Variants in FAM90A1 observed in about 807,000 individuals in gnomAD.
FAM90A1 encodes the protein protein FAM90A1.
FAM90A1 carries 10 observed loss-of-function variants against 14.8 expected under a neutral mutation model. That is an observed-to-expected ratio of 0.67 (90% CI 0.42 to 1.14). FAM90A1 has a LOEUF of 1.14. FAM90A1 is among the 50% of genes most tolerant of loss of function. The pLI is 0.00. For synonymous variants in FAM90A1, 236 were observed against 248.4 expected (o/e 0.95, Z 0.47); for missense variants, 567 against 602.8 (o/e 0.94, Z 0.62).
rs773955004 is a variant in FAM90A1 at position 8,222,605 on chromosome 12, T to A, written c.612A>T (p.Thr204=). 15 of 1,611,858 alleles carry A rather than the reference T, an allele frequency of 9.3e-6. No individual in the cohort carries two copies. The highest frequency in any genetic ancestry group is 1.7e-6 in the Non-Finnish European group (2 of 1,179,870). Residue 204 remains threonine, a synonymous_variant, in exon 7 of 7, where the codon ACA becomes ACT. Transcript: ENST00000538603. ...TCTGAGGGATGTCGGCCGCAGCCCC[T>A]GTCTGTCTTTCCTTTGGTCCAAGAC... The part of the protein sequence containing the change: ...SSSLGPKERQ[T]GAAADIPQTA...
Position 8,222,523 on chromosome 12 carries a change from T to G in FAM90A1, c.694A>C (p.Ser232Arg), listed in dbSNP as rs754182048. Residue 232 changes from serine (S) to arginine (R), a missense_variant, in exon 7 of 7, where the codon AGC becomes CGC. Ser to Arg is a moderately radical substitution (Grantham distance 110). Coordinates refer to ENST00000538603, the MANE Select transcript of FAM90A1 (RefSeq NM_018088.3). ...ACTTCTCGACAGCCACCCGCAGGGC[T>G]GCTGTGTGTCGGCTTCACCACGAGG... ...PLLVVKPTHS[S>R]PAGGCREVPQ... The G allele has an allele frequency of 1.9e-6, 3 of 1,611,710 alleles. No homozygotes were observed. Among genetic ancestry groups the G allele is most frequent in the Non-Finnish European group, 2.5e-6 (3 of 1,179,722 alleles).
At chr12:8,223,336 A>G in intron 6 of FAM90A1, 113 bp downstream of exon 6, 2 of 661,652 alleles carry the variant, frequency 3.0e-6, no homozygotes. Flanking sequence ...TCTGACCCCA[A>G]GAAGGCAAGA....
intron 6 of FAM90A1, 113 bp downstream of exon 6, chr12:8,223,336 A>C (rs1414177434): frequency 1.2e-5 from 8 of 661,532 alleles, no homozygotes; most frequent in Non-Finnish European, 1.9e-5. Flanking sequence ...TCTGACCCCA[A>C]GAAGGCAAGA....
In FAM90A1 at chr12:8,224,775, G is replaced by C. The variant is rs147940063; in HGVS notation, c.58C>G (p.Leu20Val). The C allele has an allele frequency of 3.1e-6, 5 of 1,606,876 alleles. No homozygotes were observed. The highest frequency in any genetic ancestry group is 1.7e-5 in the Admixed American group (1 of 59,974). ...GAKRLVRAQT[L>V]QKQRRAPVGP... ...ACTGGGGCCCTCCGCTGCTTCTGGAGGGTCTGGGCTCTCACCAGTCTCTTT... is the reference window on the plus strand; with the variant it reads ...ACTGGGGCCCTCCGCTGCTTCTGGACGGTCTGGGCTCTCACCAGTCTCTTT... Residue 20 changes from leucine to valine, a missense_variant, in exon 4 of 7, where the codon CTC (leucine) becomes GTC (valine). Transcript: ENST00000538603.
chr12:8,224,314 A>G lies in FAM90A1; in HGVS notation c.124-99T>C, dbSNP rs907863134. On this transcript the variant is annotated intron_variant, in intron 4 of 6. Transcript: ENST00000538603. Reference sequence around the variant, plus strand: ...CGGATTGTGAATTCAGAGCTGAATAAGGATTCCAAAGAGGGGACACCGGCA... The same window carrying G: ...CGGATTGTGAATTCAGAGCTGAATAGGGATTCCAAAGAGGGGACACCGGCA... The G allele has an allele frequency of 1.6e-5, 17 of 1,074,094 alleles. No homozygotes were observed. The Admixed American group carries it at 2.8e-4, about 17-fold the overall frequency. 66.5% of individuals were successfully genotyped at this position (1,074,094 alleles called of 1,614,324 possible).
intron 6 of FAM90A1, among the ~76,000 whole-genome samples, chr12:8,223,041 T>A (rs1948868834): frequency 6.6e-6 from 1 of 152,192 alleles, no homozygotes; most frequent in African/African-American, 2.4e-5. Flanking sequence ...ATTAGCTGGA[T>A]CAAAGCGCCT....
Position 8,227,476 on chromosome 12 carries a change from T to G in FAM90A1, c.-421+4A>C. On this transcript the variant is annotated splice_donor_region_variant and intron_variant, in intron 1 of 6. Coordinates refer to ENST00000538603, the MANE Select transcript of FAM90A1 (RefSeq NM_018088.3). ...GGGCGGTCGGGTGCCAGGCCAGTGCTTACCCCGCCATGTTTTCAAGCCCGA... is the reference window on the plus strand; with the variant it reads ...GGGCGGTCGGGTGCCAGGCCAGTGCGTACCCCGCCATGTTTTCAAGCCCGA... The G allele has an allele frequency of 1.5e-6, 1 of 646,610 alleles. No individual in the cohort carries two copies. Among genetic ancestry groups the G allele is most frequent in the Non-Finnish European group, 2.5e-6 (1 of 395,046 alleles). 40.1% of individuals were successfully genotyped at this position (646,610 alleles called of 1,614,324 possible).
In FAM90A1 at chr12:8,221,705, G is replaced by C; in HGVS notation, c.*117C>G. ...CTCCCACATCCACAGAAGGGCCACA[G>C]CCGGGGAGCTTCGGAGTCACCGCAC... On this transcript the variant is annotated 3_prime_UTR_variant, in exon 7 of 7. Coordinates refer to ENST00000538603, the MANE Select transcript of FAM90A1 (RefSeq NM_018088.3). 1.7e-6 allele frequency: 2 copies of C among 1,202,506 alleles called. No homozygotes were observed. The highest frequency in any genetic ancestry group is 4.9e-5 in the East Asian group (2 of 40,660). The allele number at this position is 1,202,506 out of a possible 1,614,324, so 74.5% of individuals were successfully genotyped here.
rs12299107 is a variant in FAM90A1, at chr12:8,226,436, C to T, written c.-378G>A. 2 of 152,482 alleles carry T rather than the reference C, an allele frequency of 1.3e-5. No individual in the cohort carries two copies. The highest frequency in any genetic ancestry group is 4.8e-5 in the African/African-American group (2 of 41,454). 9.4% of individuals were successfully genotyped at this position (152,482 alleles called of 1,614,324 possible). A position where few individuals can be genotyped will look rare whatever the true frequency, so the allele number is the denominator to read the frequency against. On this transcript the variant is annotated 5_prime_UTR_variant, in exon 2 of 7. Coordinates refer to ENST00000538603, the MANE Select transcript of FAM90A1 (RefSeq NM_018088.3). ...CCCTGACCACACACTCATGTGTTTT[C>T]TCCTCCAGAATGCGCTTGGAAACCA... is the stretch of plus-strand genomic sequence containing the variant.
At position 8,224,047 on chromosome 12, in the gene FAM90A1, T is replaced by C. The variant is rs1948887663; in HGVS notation, c.292A>G (p.Lys98Glu). ...CTCTCTTCCTTCTCTCCCTTATCCT[T>C]GTTCAAGGGCCCAGGGTTCGCTTCA... ...QVEANPGPLN[K>E]DKGEKEERPR... Residue 98 changes from lysine (K) to glutamate (E), a missense_variant, in exon 5 of 7, where the codon AAG becomes GAG. Lys to Glu is a moderately conservative substitution (Grantham distance 56, BLOSUM62 1). Coordinates refer to ENST00000538603, the MANE Select transcript of FAM90A1 (RefSeq NM_018088.3). 1.2e-6 allele frequency: 2 copies of C among 1,611,972 alleles called. No individual in the cohort carries two copies. The highest frequency in any genetic ancestry group is 1.7e-6 in the Non-Finnish European group (2 of 1,179,824).
intron 3 of FAM90A1, among the ~76,000 whole-genome samples, chr12:8,225,161 G>A (rs1434487279): frequency 6.6e-6 from 1 of 152,224 alleles, no homozygotes; most frequent in African/African-American, 2.4e-5. Flanking sequence ...ACTAACAACT[G>A]ATTCTGGAGA....
chr12:8,225,461 C>G (rs2965684), intron 3 of FAM90A1, among the ~76,000 whole-genome samples: 2 of 151,974 alleles, frequency 1.3e-5, no homozygotes, highest in African/African-American at 2.4e-5. Flanking sequence ...TCCAGCCCCT[C>G]TTTATTTATT....
chr12:8,222,377 T>C lies in FAM90A1; in HGVS notation c.840A>G (p.Leu280=). 1.2e-6 allele frequency: 2 copies of C among 1,611,804 alleles called. No homozygotes were observed. Among genetic ancestry groups the C allele is most frequent in the South Asian group, 2.2e-5 (2 of 90,992 alleles). The change falls in exon 7 of 7, where the codon CTA becomes CTG. Residue 280 remains leucine (L), a synonymous_variant. Coordinates refer to ENST00000538603, the MANE Select transcript of FAM90A1 (RefSeq NM_018088.3). ...CTGGCCCGAAGCTGAGATTGGAGCC[T>C]AGGCCCAAGCTGTGTGTGGCGGCTG... The part of the protein sequence containing the change: ...CPPAATHSLG[L]GSNLSFGPGA...
At position 8,221,499 on chromosome 12, in the gene FAM90A1, C is replaced by A. The variant is rs372148086; in HGVS notation, c.*323G>T. On this transcript the variant is annotated 3_prime_UTR_variant, in exon 7 of 7. Coordinates refer to ENST00000538603, the MANE Select transcript of FAM90A1 (RefSeq NM_018088.3). ...GAGAGCAAATACACAGTAATTCCCC[C>A]GTTTCCTATTGACGTCCCAGCGGAA... 2.2e-3 allele frequency: 975 copies of A among 447,852 alleles called. 2 individuals carry two copies. Among genetic ancestry groups the A allele is most frequent in the Middle Eastern group, 6.0e-3 (9 of 1,494 alleles). 27.7% of individuals were successfully genotyped at this position (447,852 alleles called of 1,614,324 possible). A position where few individuals can be genotyped will look rare whatever the true frequency, so the allele number is the denominator to read the frequency against.
rs769721650 is a variant in FAM90A1 at position 8,225,791 on chromosome 12, C to T, written c.-57+45G>A. ...CTCCTTTGTCTCTTTTCCCCCCCAC[C>T]CCTCAGGGATTGCGTGAAACAAACA... On this transcript the variant is annotated intron_variant, in intron 3 of 6. Coordinates refer to ENST00000538603, the MANE Select transcript of FAM90A1 (RefSeq NM_018088.3). 3.9e-5 allele frequency: 6 copies of T among 152,220 alleles called. No individual in the cohort carries two copies. In the South Asian group the frequency reaches 1.0e-3, roughly 26 times the overall value. The allele number at this position is 152,220 out of a possible 1,614,324, so 9.4% of individuals were successfully genotyped here.
At position 8,223,546 on chromosome 12, in the gene FAM90A1, G is replaced by C. The variant is rs778091616; in HGVS notation, c.335C>G (p.Pro112Arg). 8.3e-6 allele frequency: 13 copies of C among 1,566,086 alleles called. No homozygotes were observed. The highest frequency in any genetic ancestry group is 1.1e-5 in the Non-Finnish European group (13 of 1,137,464). ...TATGTGGAGGAGAGCCTTCCTCTGC[G>C]GGTCTTGTGGCCTGCAGAACAGAAA... ...EKEERPRPQD[P>R]QRKALLHIFS... Residue 112 changes from proline (P) to arginine (R), a missense_variant, in exon 6 of 7, where the codon CCG becomes CGG. By Grantham distance (103) the Pro-to-Arg change is moderately radical. Coordinates refer to ENST00000538603, the MANE Select transcript of FAM90A1 (RefSeq NM_018088.3).
rs777135685 is a variant in FAM90A1, at chr12:8,222,618, T to C, written c.599A>G (p.Lys200Arg). The C allele has an allele frequency of 1.2e-6, 2 of 1,611,874 alleles. No homozygotes were observed. Among genetic ancestry groups the C allele is most frequent in the Non-Finnish European group, 1.7e-6 (2 of 1,179,850 alleles). Reference protein sequence around the residue: ...SLSSSSSLGPKERQTGAAADI... With the variant: ...SLSSSSSLGPRERQTGAAADI... ...GGCCGCAGCCCCTGTCTGTCTTTCC[T>C]TTGGTCCAAGACTTGAGGAGGAGCT... The change falls in exon 7 of 7, where the codon AAG becomes AGG. Residue 200 changes from lysine (K) to arginine (R), a missense_variant. Lys to Arg is a conservative substitution (Grantham distance 26). Coordinates refer to ENST00000538603, the MANE Select transcript of FAM90A1 (RefSeq NM_018088.3).
In FAM90A1 at chr12:8,227,347, G is replaced by C. The variant is rs1283895291; in HGVS notation, c.-421+133C>G. ...GCTCTGGGGGCTGTGGCAGGGCAGGGGCGGCTTGGAACCTGCGCCATGTGA... is the reference window on the plus strand; with the variant it reads ...GCTCTGGGGGCTGTGGCAGGGCAGGCGCGGCTTGGAACCTGCGCCATGTGA... On this transcript the variant is annotated intron_variant, in intron 1 of 6. Coordinates refer to ENST00000538603, the MANE Select transcript of FAM90A1 (RefSeq NM_018088.3). The C allele has an allele frequency of 2.4e-5, 7 of 295,196 alleles. No individual in the cohort carries two copies. In the South Asian group the frequency reaches 2.7e-4, roughly 12 times the overall value. 18.3% of individuals were successfully genotyped at this position (295,196 alleles called of 1,614,324 possible). A position where few individuals can be genotyped will look rare whatever the true frequency, so the allele number is the denominator to read the frequency against.
chr12:8,221,695 A>C lies in FAM90A1; in HGVS notation c.*127T>G, dbSNP rs1948823745. 3 of 1,103,534 alleles carry C rather than the reference A, an allele frequency of 2.7e-6. No individual in the cohort carries two copies. In the Admixed American group the frequency reaches 6.2e-5, roughly 23 times the overall value. The allele number at this position is 1,103,534 out of a possible 1,614,324, so 68.4% of individuals were successfully genotyped here. A position where few individuals can be genotyped will look rare whatever the true frequency, so the allele number is the denominator to read the frequency against. On this transcript the variant is annotated 3_prime_UTR_variant, in exon 7 of 7. Coordinates refer to ENST00000538603, the MANE Select transcript of FAM90A1 (RefSeq NM_018088.3). ...CTGGCCTGGGCTCCCACATCCACAG[A>C]AGGGCCACAGCCGGGGAGCTTCGGA...
Sources: allele counts gnomAD v4.1 joint callset (sites outside exome capture counted in the v4.1 genomes callset), GRCh38; gene constraint gnomAD v4.1.1; transcripts MANE v1.5; gene names NCBI Gene and HGNC (gene_info 2026-07-23, HGNC 2026-07-21).